RPS6KC1: variants seen among roughly 807,000 people sequenced by gnomAD.
RPS6KC1 encodes the protein inactive ribosomal protein S6 kinase delta-1.
RPS6KC1 carries 54 observed loss-of-function variants against 103.8 expected under a neutral mutation model. The observed-to-expected ratio is 0.52, with a 90% CI of 0.42 to 0.65. The LOEUF (loss-of-function observed/expected upper bound fraction) is 0.65. RPS6KC1 is among the 30% of genes least tolerant of loss of function. The pLI is 0.00. For synonymous variants in RPS6KC1, 439 were observed against 438.7 expected (o/e 1.00, Z -0.01); for missense variants, 1,151 against 1,253.8 (o/e 0.92, Z 1.24).
the RPS6KC1 span, among the ~76,000 whole-genome samples, chr1:213,858,143 A>C: frequency 2.6e-5 from 4 of 152,142 alleles, no homozygotes; most frequent in African/African-American, 7.3e-5. Flanking sequence ...TAATGATAAT[A>C]ATTGTAATAA....
At chr1:213,843,688 A>G in the RPS6KC1 span, 1 of 152,248 alleles carries the variant, frequency 6.6e-6, no homozygotes, top group Non-Finnish European at 1.5e-5. Flanking sequence ...CATGTCACCA[A>G]AATAATTCTT....
chr1:213,476,212 C>G, the RPS6KC1 span, among the ~76,000 whole-genome samples: 28 of 152,240 alleles, frequency 1.8e-4, no homozygotes, highest in East Asian at 4.7e-3. Flanking sequence ...CCGGTATTCC[C>G]CAGGAGGATC....
At chr1:213,214,718 C>T (rs1385537119) in intron 8 of RPS6KC1, among the ~76,000 whole-genome samples, 2 of 152,174 alleles carry the variant, frequency 1.3e-5, no homozygotes, top group Non-Finnish European at 2.9e-5. Context: ...GGCTGTTTAG[C>T]AATATTCGCT....
At chr1:213,611,620 C>A in the RPS6KC1 span, among the ~76,000 whole-genome samples, 1 of 152,162 alleles carries the variant, frequency 6.6e-6, no homozygotes, top group Non-Finnish European at 1.5e-5. Context: ...AAACTTGGTA[C>A]ACACCACAGG....
the RPS6KC1 span, among the ~76,000 whole-genome samples, chr1:213,518,501 T>G: frequency 5.9e-5 from 9 of 152,218 alleles, no homozygotes; most frequent in Admixed American, 4.6e-4. Flanking sequence ...CTAGAGCCTT[T>G]GCAGGGAGCC....
At chr1:213,214,330 G>A (rs978746974) in intron 8 of RPS6KC1, among the ~76,000 whole-genome samples, 5 of 152,242 alleles carry the variant, frequency 3.3e-5, no homozygotes, top group Admixed American at 6.5e-5. Flanking sequence ...GGCTGGGGAA[G>A]GGGTGCCCGC....
chr1:213,452,817 C>T, the RPS6KC1 span, among the ~76,000 whole-genome samples: 8 of 152,322 alleles, frequency 5.3e-5, no homozygotes, highest in Non-Finnish European at 1.0e-4. Context: ...TGGACTAACT[C>T]TCAATTATCT....
chr1:213,838,801 A>AT, the RPS6KC1 span, among the ~76,000 whole-genome samples: 28 of 152,250 alleles, frequency 1.8e-4, no homozygotes, highest in South Asian at 4.1e-4. Context: ...AGACTTGCTC[A>AT]TTTTTTTATC....
chr1:213,502,391 C>T, the RPS6KC1 span, among the ~76,000 whole-genome samples: 2 of 151,930 alleles, frequency 1.3e-5, no homozygotes. Context: ...TGAAAACAAA[C>T]CCAGTAAAAA....
At chr1:213,433,988 CT>C in the RPS6KC1 span, among the ~76,000 whole-genome samples, 1 of 151,014 alleles carries the variant, frequency 6.6e-6, no homozygotes. Flanking sequence ...TTTTATAGAA[CT>C]GCTTTTGTTG....
the RPS6KC1 span, among the ~76,000 whole-genome samples, chr1:213,694,640 C>T: frequency 6.6e-6 from 1 of 152,132 alleles, no homozygotes; most frequent in East Asian, 1.9e-4. Flanking sequence ...CTTGCAACAC[C>T]CAGTCCCGGT....
At chr1:213,331,113 G>A in the RPS6KC1 span, among the ~76,000 whole-genome samples, 1 of 152,238 alleles carries the variant, frequency 6.6e-6, no homozygotes, top group Non-Finnish European at 1.5e-5. Context: ...GTGAGCCAGT[G>A]CCCCTTTCTG....
chr1:213,363,776 TTC>T, the RPS6KC1 span, among the ~76,000 whole-genome samples: 5 of 82,390 alleles, frequency 6.1e-5, no homozygotes, highest in Non-Finnish European at 1.2e-4. Context: ...CTTTCTTTCT[TTC>T]TTTCTTTCTT....
At chr1:213,447,409 T>C in the RPS6KC1 span, among the ~76,000 whole-genome samples, 1 of 152,166 alleles carries the variant, frequency 6.6e-6, no homozygotes, top group Admixed American at 6.5e-5. Context: ...ATATGTAACT[T>C]AAAACTTTCT....
the RPS6KC1 span, among the ~76,000 whole-genome samples, chr1:213,672,575 C>T: frequency 6.6e-6 from 1 of 152,094 alleles, no homozygotes; most frequent in African/African-American, 2.4e-5. Flanking sequence ...CTTATTACCC[C>T]TTTATCTCCT....
chr1:213,772,699 G>T, the RPS6KC1 span, among the ~76,000 whole-genome samples: 2 of 151,890 alleles, frequency 1.3e-5, no homozygotes, highest in African/African-American at 4.8e-5. Context: ...ACAATGCCGG[G>T]GATGGAGGAG....
the RPS6KC1 span, among the ~76,000 whole-genome samples, chr1:213,732,468 T>C: frequency 6.6e-6 from 1 of 152,224 alleles, no homozygotes. Context: ...AACCAACAAC[T>C]CCTTCAAGGC....
the RPS6KC1 span, among the ~76,000 whole-genome samples, chr1:213,666,561 T>C: frequency 2.0e-5 from 3 of 152,252 alleles, no homozygotes; most frequent in African/African-American, 4.8e-5. Flanking sequence ...TCTAATTATA[T>C]TTTATAAAAA....
chr1:213,308,427 T>C, the RPS6KC1 span, among the ~76,000 whole-genome samples: 1 of 152,272 alleles, frequency 6.6e-6, no homozygotes, highest in South Asian at 2.1e-4. Context: ...TCTGTACCTA[T>C]GTAATAAATA....
Sources: gnomAD v4.1 joint callset for allele counts (sites outside exome capture counted in the v4.1 genomes callset) on GRCh38, gnomAD v4.1.1 for gene constraint, MANE v1.5 for transcripts, NCBI Gene and HGNC (gene_info 2026-07-23, HGNC 2026-07-21) for gene names.